HSD17B6: variants seen among roughly 807,000 people sequenced by gnomAD.
The protein encoded by HSD17B6 is 17-beta-hydroxysteroid dehydrogenase type 6.
In HSD17B6, 16 loss-of-function variants were observed where a neutral mutation model predicts 26.4. That is an observed-to-expected ratio of 0.61 (90% confidence interval 0.41 to 0.92). HSD17B6 has a LOEUF of 0.92. HSD17B6 is among the 40% of genes least tolerant of loss of function. The probability of loss-of-function intolerance (pLI) is 0.00; values close to 1 mark genes in which losing one functional copy is unlikely to be tolerated. For missense variants in HSD17B6, 357 were observed against 386.1 expected, an observed-to-expected ratio of 0.92 and a Z score of 0.63; for synonymous variants, 139 against 153.0, an observed-to-expected ratio of 0.91 and a Z score of 0.68.
Position 56,787,181 on chromosome 12 carries a change from A to T in HSD17B6, c.793A>T (p.Thr265Ser). ...LNCSTNLNLV[T>S]DCMEHALTSV... ...TTGTAGCACAAACCTGAACCTGGTCACTGACTGCATGGAACATGCTCTGAC... is the reference window on the plus strand; with the variant it reads ...TTGTAGCACAAACCTGAACCTGGTCTCTGACTGCATGGAACATGCTCTGAC... The change falls in exon 5 of 5, where the codon ACT becomes TCT. Residue 265 changes from threonine to serine, a missense_variant. Physicochemically the swap from Thr to Ser is moderately conservative, Grantham distance 58 (BLOSUM62 1). Coordinates refer to ENST00000322165, the MANE Select transcript of HSD17B6 (RefSeq NM_003725.4). 2 of 1,614,236 alleles carry T rather than the reference A, an allele frequency of 1.2e-6. No homozygotes were observed. Among genetic ancestry groups the T allele is most frequent in the South Asian group, 1.1e-5 (1 of 91,090 alleles).
chr12:56,769,693 T>C (rs1250216112), intron 1 of HSD17B6, among the ~76,000 whole-genome samples: 1 of 152,254 alleles, frequency 6.6e-6, no homozygotes, highest in Non-Finnish European at 1.5e-5. Flanking sequence ...GCAGCTTAAG[T>C]ACTGTGTATA....
chr12:56,783,610 C>T (rs538767746), intron 3 of HSD17B6, among the ~76,000 whole-genome samples: 2 of 135,734 alleles, frequency 1.5e-5, no homozygotes, highest in Non-Finnish European at 3.2e-5. Flanking sequence ...CCACCTCCCT[C>T]CCGGACGGAG....
chr12:56,782,660 ATTTTTTT>A (rs62818963), intron 3 of HSD17B6, among the ~76,000 whole-genome samples: 1 of 133,108 alleles, frequency 7.5e-6, no homozygotes, highest in Non-Finnish European at 1.6e-5. Flanking sequence ...TGCCCAGCTA[ATTTTTTT>A]TTTTTTTTTT....
rs1278726289 is a variant in HSD17B6 at position 56,773,910 on chromosome 12, G to T, written c.58G>T (p.Glu20Ter). ...GLYYLLHWYR[E>*]RQVVSHLQDK... ...GTACTACCTTCTGCACTGGTACCGG[G>T]AGAGGCAGGTGGTGAGCCACCTCCA... Residue 20 changes from glutamate (E) to a stop codon, truncating the protein, a stop_gained, in exon 2 of 5, where the codon GAG (glutamate) becomes TAG (stop). Transcript: ENST00000322165. LOFTEE classifies it high-confidence loss of function. 6.2e-7 allele frequency: 1 copy of T among 1,612,874 alleles called. No individual in the cohort carries two copies. Among genetic ancestry groups the T allele is most frequent in the South Asian group, 1.1e-5 (1 of 90,918 alleles).
chr12:56,777,428 G>C (rs142895556), intron 2 of HSD17B6, among the ~76,000 whole-genome samples: 1,692 of 144,752 alleles, frequency 0.012, 31 homozygotes, highest in African/African-American at 0.041. Flanking sequence ...GCAACGGCAT[G>C]ATCTCCGCTC....
chr12:56,787,675 G>A lies in HSD17B6; in HGVS notation c.*333G>A, dbSNP rs1954907038. On this transcript the variant is annotated 3_prime_UTR_variant, in exon 5 of 5. Transcript: ENST00000322165. ...TTATGAATATGAATAATTGTTCTATGCTTTAATAATCTATTGTGAGGAAAC... is the reference window on the plus strand; with the variant it reads ...TTATGAATATGAATAATTGTTCTATACTTTAATAATCTATTGTGAGGAAAC... 2 of 244,548 alleles carry A rather than the reference G, an allele frequency of 8.2e-6. No homozygotes were observed. The highest frequency in any genetic ancestry group is 1.6e-5 in the Non-Finnish European group (2 of 125,620). The allele number at this position is 244,548 out of a possible 1,614,324, so 15.1% of individuals were successfully genotyped here. A position where few individuals can be genotyped will look rare whatever the true frequency, so the allele number is the denominator to read the frequency against.
chr12:56,786,647 C>T (rs1954881355), intron 4 of HSD17B6, among the ~76,000 whole-genome samples: 2 of 152,126 alleles, frequency 1.3e-5, no homozygotes, highest in African/African-American at 2.4e-5. Flanking sequence ...CCCAGGAATT[C>T]AAGACCAGCC....
At chr12:56,781,874 T>C in intron 2 of HSD17B6, 100 bp from the exon 3 acceptor site, 4 of 1,225,654 alleles carry the variant, frequency 3.3e-6, no homozygotes, top group Non-Finnish European at 4.6e-6. Flanking sequence ...GGGTGGTTAG[T>C]GGTTATGATT....
chr12:56,770,219 A>T (rs1434629307), intron 1 of HSD17B6: 1 of 152,298 alleles, frequency 6.6e-6, no homozygotes, highest in East Asian at 1.9e-4. Context: ...GCCTCTCTCC[A>T]CTGTTTTCTC....
chr12:56,785,604 C>G (rs980141428), intron 4 of HSD17B6, among the ~76,000 whole-genome samples: 5 of 152,386 alleles, frequency 3.3e-5, no homozygotes, highest in South Asian at 2.1e-4. Flanking sequence ...AGGCTCTTCC[C>G]TGCCTTGTCC....
chr12:56,772,782 C>T (rs1013991495), intron 1 of HSD17B6, among the ~76,000 whole-genome samples: 7 of 150,954 alleles, frequency 4.6e-5, no homozygotes, highest in African/African-American at 1.7e-4. Flanking sequence ...GAAGTGTATG[C>T]AGAGGCGTAA....
intron 1 of HSD17B6, among the ~76,000 whole-genome samples, chr12:56,764,333 A>G (rs888413230): frequency 1.3e-5 from 2 of 152,192 alleles, no homozygotes; most frequent in Non-Finnish European, 2.9e-5. Context: ...GCTACTTCTT[A>G]CTTTGCCATG....
chr12:56,765,741 A>G (rs1954313332), intron 1 of HSD17B6, among the ~76,000 whole-genome samples: 1 of 151,862 alleles, frequency 6.6e-6, no homozygotes, highest in African/African-American at 2.4e-5. Flanking sequence ...CGAACTCCTC[A>G]AGGAATTCGC....
At chr12:56,765,318 C>A (rs1168445766) in intron 1 of HSD17B6, among the ~76,000 whole-genome samples, 1 of 151,490 alleles carries the variant, frequency 6.6e-6, no homozygotes, top group Admixed American at 6.6e-5. Context: ...TGCCTGTAGT[C>A]CCAGCTACTC....
rs778661358 is a variant in HSD17B6 at position 56,785,013 on chromosome 12, G to T, written c.733G>T (p.Ala245Ser). 6 of 1,607,852 alleles carry T rather than the reference G, an allele frequency of 3.7e-6. No individual in the cohort carries two copies. The highest frequency in any genetic ancestry group is 4.2e-6 in the Non-Finnish European group (5 of 1,178,696). The change falls in exon 4 of 5, where the codon GCC becomes TCC. Residue 245 changes from alanine (A) to serine (S), a missense_variant. Ala to Ser is a moderately conservative substitution (Grantham distance 99). Transcript: ENST00000322165. ...GACCTATGGACAGCAGTATTTTGAT[G>T]CCCGTAAGCTTTTTTCTTTTGATAG... ...KETYGQQYFD[A>S]LYNIMKEGLL...
chr12:56,786,637 C>T (rs1185211602), intron 4 of HSD17B6, among the ~76,000 whole-genome samples: 1 of 152,104 alleles, frequency 6.6e-6, no homozygotes, highest in Non-Finnish European at 1.5e-5. Flanking sequence ...ATCGCTTGAG[C>T]CCAGGAATTC....
intron 2 of HSD17B6, among the ~76,000 whole-genome samples, chr12:56,780,588 G>A (rs561574827): frequency 2.0e-4 from 30 of 152,120 alleles, no homozygotes; most frequent in African/African-American, 6.5e-4. Flanking sequence ...GGCCGGGTGC[G>A]TGGCTCACAT....
At position 56,773,869 on chromosome 12, in the gene HSD17B6, C is replaced by T. The variant is rs142198758; in HGVS notation, c.17C>T (p.Ala6Val). The stretch of plus-strand genomic sequence containing the variant: ...ACCCTCACTATGTGGCTCTACCTGG[C>T]GGCCTTCGTGGGCCTGTACTACCTT... Reference protein sequence around the residue: MWLYLAAFVGLYYLLH... With the variant: MWLYLVAFVGLYYLLH... The change falls in exon 2 of 5, where the codon GCG becomes GTG. Residue 6 changes from alanine (A) to valine (V), a missense_variant. By Grantham distance (64) the Ala-to-Val change is moderately conservative. Coordinates refer to ENST00000322165, the MANE Select transcript of HSD17B6 (RefSeq NM_003725.4). 9.9e-4 allele frequency: 1,561 copies of T among 1,570,928 alleles called. 3 individuals are homozygous for T. Among genetic ancestry groups the T allele is most frequent in the Non-Finnish European group, 1.2e-3 (1,387 of 1,154,982 alleles).
intron 2 of HSD17B6, among the ~76,000 whole-genome samples, chr12:56,777,325 G>T (rs1214484368): frequency 6.6e-6 from 1 of 151,794 alleles, no homozygotes; most frequent in Non-Finnish European, 1.5e-5. Context: ...CAGACTCCTG[G>T]GCTCAAGCCA....
Sources: allele counts gnomAD v4.1 joint callset (sites outside exome capture counted in the v4.1 genomes callset), GRCh38; gene constraint gnomAD v4.1.1; transcripts MANE v1.5; gene names NCBI Gene and HGNC (gene_info 2026-07-23, HGNC 2026-07-21).